Variants in ABCC11 observed in about 807,000 individuals in gnomAD.
ABCC11 encodes the protein ATP-binding cassette sub-family C member 11.
A neutral mutation model predicts 149.3 loss-of-function variants in ABCC11; 135 were observed. The ratio of observed to expected loss-of-function variants is 0.90; its 90% CI spans 0.79 to 1.04. The LOEUF (loss-of-function observed/expected upper bound fraction) is 1.04, where lower values mean the gene tolerates loss of function less well. Ranked by LOEUF, ABCC11 falls within the 50% of genes least tolerant of loss-of-function variation. The pLI, the probability that ABCC11 is intolerant of heterozygous loss-of-function variation, is 0.00. For synonymous variants in ABCC11, 665 were observed against 671.4 expected (o/e 0.99, Z 0.15); for missense variants, 1,680 against 1,722.1 (o/e 0.98, Z 0.43).
At chr16:48,208,323 C>T in intron 12 of ABCC11, 102 bp downstream of exon 12, 1 of 1,290,658 alleles carries the variant, frequency 7.7e-7, no homozygotes, top group Non-Finnish European at 1.1e-6. Flanking sequence ...GCTCAGACCC[C>T]TGTGAGGAAG....
At chr16:48,191,687 C>T (rs1966938022) in intron 20 of ABCC11, among the ~76,000 whole-genome samples, 2 of 152,108 alleles carry the variant, frequency 1.3e-5, no homozygotes, top group African/African-American at 4.8e-5. Context: ...GATTTATAAT[C>T]CTGAAGCTGG....
At position 48,167,497 on chromosome 16, in the gene ABCC11, T is replaced by C. The variant is rs371756889; in HGVS notation, c.4055A>G (p.Lys1352Arg). 1.1e-5 allele frequency: 17 copies of C among 1,614,092 alleles called. No homozygotes were observed. Among genetic ancestry groups the C allele is most frequent in the Non-Finnish European group, 1.4e-5 (16 of 1,179,980 alleles). Reference sequence around the variant, plus strand: ...CCAGCCCAAGGACGCAGCCTTCACCTTCCCATTGCCCATAACCAGGATGTG... The same window carrying C: ...CCAGCCCAAGGACGCAGCCTTCACCCTCCCATTGCCCATAACCAGGATGTG... Reference protein sequence around the residue: ...CDHILVMGNGKVVEFDRPEVL... With the variant: ...CDHILVMGNGRVVEFDRPEVL... Residue 1352 changes from lysine (K) to arginine (R), a missense_variant and splice_region_variant, in exon 29 of 30, where the codon AAG becomes AGG. Transcript: ENST00000356608.
In ABCC11 at chr16:48,214,293, A is replaced by G. The variant is rs373571046; in HGVS notation, c.1248+588T>C. On this transcript the variant is annotated intron_variant, in intron 9 of 29. Coordinates refer to ENST00000356608, the MANE Select transcript of ABCC11 (RefSeq NM_001370497.1). ...CTTCTCGGGGGTGTTTTCCTGGTGC[A>G]TGCCTGAGCCAAGCAGAGGGGCCAG... Among the ~76,000 whole-genome samples the G allele has an allele frequency of 1.4e-3, 219 of 152,092 alleles. 4 individuals carry two copies. The South Asian group carries it at 0.021, about 14-fold the overall frequency.
In ABCC11 at chr16:48,187,238, C is replaced by T. The variant is rs1966802526; in HGVS notation, c.2896G>A (p.Gly966Arg). Residue 966 changes from glycine to arginine, a missense_variant, in exon 21 of 30, where the codon GGA becomes AGA. Gly to Arg is a moderately radical substitution (Grantham distance 125). Coordinates refer to ENST00000356608, the MANE Select transcript of ABCC11 (RefSeq NM_001370497.1). ...SVLSPYILLM[G>R]AIIMVICFIY... is the part of the protein sequence containing the mutation. ...AAGCAAATAACCATGATTATGGCTC[C>T]CATTAACAGGATATATGGAGACAGC... is the stretch of plus-strand genomic sequence containing the variant. 6.2e-7 allele frequency: 1 copy of T among 1,613,966 alleles called. No homozygotes were observed. The highest frequency in any genetic ancestry group is 1.3e-5 in the African/African-American group (1 of 74,884).
intron 1 of ABCC11, 185 bp from the exon 2 acceptor site, chr16:48,232,124 C>G: frequency 7.6e-7 from 1 of 1,313,612 alleles, no homozygotes. Flanking sequence ...TAAACATCTT[C>G]TCAGGCCTCA....
chr16:48,208,437 G>A lies in ABCC11; in HGVS notation c.1668C>T (p.Ala556=). Reference sequence around the variant, plus strand: ...ACAGATCACTTACCTCCTCCAGGATGGCTGACAACAGGCTGCTCTTACCAC... The same window carrying A: ...ACAGATCACTTACCTCCTCCAGGATAGCTGACAACAGGCTGCTCTTACCAC... ...TGSGKSSLLS[A]ILEEMHLLEG... The change falls in exon 12 of 30, where the codon GCC becomes GCT. Residue 556 remains alanine, a synonymous_variant. Coordinates refer to ENST00000356608, the MANE Select transcript of ABCC11 (RefSeq NM_001370497.1). The A allele has an allele frequency of 6.2e-7, 1 of 1,614,170 alleles. No homozygotes were observed. Among genetic ancestry groups the A allele is most frequent in the Non-Finnish European group, 8.5e-7 (1 of 1,180,012 alleles).
chr16:48,167,178 C>A lies in ABCC11; in HGVS notation c.*96G>T. On this transcript the variant is annotated 3_prime_UTR_variant, in exon 30 of 30. Transcript: ENST00000356608. The stretch of plus-strand genomic sequence containing the variant: ...CCCTGCTTCCAGGAGAAGTTCTCAT[C>A]TCCAAACAAGAAGGTCGCAGACTGT... 3.6e-6 allele frequency: 2 copies of A among 558,506 alleles called. No homozygotes were observed. The highest frequency in any genetic ancestry group is 3.9e-5 in the East Asian group (1 of 25,664). The allele number at this position is 558,506 out of a possible 1,614,324, so 34.6% of individuals were successfully genotyped here. A position where few individuals can be genotyped will look rare whatever the true frequency, so the allele number is the denominator to read the frequency against.
chr16:48,192,005 G>A (rs1026119096), intron 20 of ABCC11, among the ~76,000 whole-genome samples: 8 of 152,094 alleles, frequency 5.3e-5, no homozygotes, highest in South Asian at 4.2e-4. Context: ...AAAGTTGGCC[G>A]GGCATGGTGG....
rs1176312369 is a variant in ABCC11, at chr16:48,215,216, T to C, written c.1080A>G (p.Pro360=). 6.2e-7 allele frequency: 1 copy of C among 1,610,780 alleles called. No individual in the cohort carries two copies. Among genetic ancestry groups the C allele is most frequent in the Admixed American group, 1.7e-5 (1 of 59,902 alleles). Residue 360 remains proline, a synonymous_variant, in exon 8 of 30, where the codon CCA becomes CCG. Coordinates refer to ENST00000356608, the MANE Select transcript of ABCC11 (RefSeq NM_001370497.1). ...CCATACCTTCAATGATTTTTGCAAA[T>C]GGTTTCTCCCATGTGTACATTTTAA... ...KLIKMYTWEK[P]FAKIIEDLRR... is the part of the protein sequence containing the mutation.
chr16:48,185,754 C>T (rs1038784752), intron 22 of ABCC11, among the ~76,000 whole-genome samples: 2 of 152,102 alleles, frequency 1.3e-5, no homozygotes, highest in Non-Finnish European at 2.9e-5. Flanking sequence ...TTCTGTCCAC[C>T]TTACCTTTCT....
chr16:48,242,206 TCAAA>T (rs764937809), intron 1 of ABCC11, among the ~76,000 whole-genome samples: 2,276 of 151,866 alleles, frequency 0.015, 19 homozygotes, highest in Middle Eastern at 0.027. Flanking sequence ...CAAGAAAAAA[TCAAA>T]CAACCCCATC....
intron 28 of ABCC11, among the ~76,000 whole-genome samples, chr16:48,168,845 A>G (rs1198790319): frequency 6.6e-6 from 1 of 152,196 alleles, no homozygotes. Flanking sequence ...AACAATGAGA[A>G]CACATGGACA....
chr16:48,231,937 AT>A lies in ABCC11; in HGVS notation c.-17del, dbSNP rs1172548607. 3.1e-6 allele frequency: 5 copies of A among 1,613,790 alleles called. No individual in the cohort carries two copies. The highest frequency in any genetic ancestry group is 1.7e-5 in the Admixed American group (1 of 59,974). The stretch of plus-strand genomic sequence containing the variant: ...TCCTAGTCATTTTCAGTTCCTGCCA[AT>A]TCTTCGTTTCCCAGAATCAGAGAAT... On this transcript the variant is annotated splice_region_variant and 5_prime_UTR_variant, in exon 2 of 30. Coordinates refer to ENST00000356608, the MANE Select transcript of ABCC11 (RefSeq NM_001370497.1).
intron 6 of ABCC11, among the ~76,000 whole-genome samples, chr16:48,221,511 T>C (rs16945969): frequency 2.3e-3 from 356 of 152,220 alleles, no homozygotes; most frequent in African/African-American, 8.3e-3. Context: ...AAGGATTCCT[T>C]TTTTGCAGAT....
intron 6 of ABCC11, among the ~76,000 whole-genome samples, chr16:48,219,719 G>A (rs956843419): frequency 2.6e-5 from 4 of 152,284 alleles, no homozygotes; most frequent in Non-Finnish European, 5.9e-5. Context: ...TGTGGCTCAT[G>A]CCTGTAATCC....
At chr16:48,221,407 C>A (rs1415342550) in intron 6 of ABCC11, among the ~76,000 whole-genome samples, 1 of 151,694 alleles carries the variant, frequency 6.6e-6, no homozygotes, top group Non-Finnish European at 1.5e-5. Flanking sequence ...GTTGGAGTTT[C>A]TTCCTCCATT....
At chr16:48,192,760 A>T (rs777331282) in intron 19 of ABCC11, 43 bp from the exon 20 acceptor site, 1 of 1,593,968 alleles carries the variant, frequency 6.3e-7, no homozygotes, top group Non-Finnish European at 8.6e-7. Flanking sequence ...TGTCCGGGGG[A>T]AATTCAGTGG....
chr16:48,225,844 T>C (rs1474229747), intron 4 of ABCC11, among the ~76,000 whole-genome samples: 1 of 152,182 alleles, frequency 6.6e-6, no homozygotes. Flanking sequence ...ATTTCGTAGT[T>C]TGCGTATATA....
chr16:48,210,294 A>T (rs1968809547), intron 11 of ABCC11: 1 of 152,228 alleles, frequency 6.6e-6, no homozygotes, highest in Non-Finnish European at 1.5e-5. Context: ...CAGAGATAGA[A>T]TTTAAAACCG....
Sources: gnomAD v4.1 joint callset for allele counts (sites outside exome capture counted in the v4.1 genomes callset) on GRCh38, gnomAD v4.1.1 for gene constraint, MANE v1.5 for transcripts, NCBI Gene and HGNC (gene_info 2026-07-23, HGNC 2026-07-21) for gene names.